FSTL5: variants seen among roughly 807,000 people sequenced by gnomAD.
FSTL5 encodes follistatin-related protein 5.
In FSTL5, 62 loss-of-function variants were observed where a neutral mutation model predicts 89.1. The observed-to-expected ratio is 0.70, with a 90% CI of 0.57 to 0.86. The LOEUF (loss-of-function observed/expected upper bound fraction) is 0.86. Among genes scored for constraint, FSTL5 ranks in the 40% least tolerant of loss-of-function variants. FSTL5 has a pLI of 0.00. For missense variants in FSTL5, 1,057 were observed against 1,001.6 expected, an observed-to-expected ratio of 1.06 and a Z score of -0.75; for synonymous variants, 383 against 346.2, an observed-to-expected ratio of 1.11 and a Z score of -1.18.
intron 7 of FSTL5, among the ~76,000 whole-genome samples, chr4:161,645,171 C>CA (rs909983790): frequency 3.5e-4 from 51 of 144,716 alleles, no homozygotes; most frequent in Middle Eastern, 3.6e-3. Context: ...AAGATAATGC[C>CA]AAAAAAAAAA....
chr4:161,475,927 G>A (rs1177572442), intron 13 of FSTL5, among the ~76,000 whole-genome samples: 1 of 151,670 alleles, frequency 6.6e-6, no homozygotes, highest in African/African-American at 2.4e-5. Context: ...TTTTTATTTT[G>A]TATTTTTAGT....
At chr4:162,142,141 T>A (rs545815459) in intron 1 of FSTL5, among the ~76,000 whole-genome samples, 133 of 151,592 alleles carry the variant, frequency 8.8e-4, no homozygotes, top group Non-Finnish European at 1.5e-3. Context: ...TGGTACCAAA[T>A]TTAGGACCTT....
At chr4:161,856,492 C>G (rs1456316422) in intron 4 of FSTL5, among the ~76,000 whole-genome samples, 2 of 151,940 alleles carry the variant, frequency 1.3e-5, no homozygotes, top group Admixed American at 6.6e-5. Flanking sequence ...ATGCAACCAT[C>G]AAACATTTAT....
At chr4:161,548,418 T>C (rs1484290753) in intron 8 of FSTL5, among the ~76,000 whole-genome samples, 1 of 151,872 alleles carries the variant, frequency 6.6e-6, no homozygotes, top group African/African-American at 2.4e-5. Context: ...ATGGGAGTTA[T>C]CAACACAAAG....
chr4:161,821,163 G>A (rs1560864485), intron 4 of FSTL5, among the ~76,000 whole-genome samples: 1 of 151,862 alleles, frequency 6.6e-6, no homozygotes, highest in Non-Finnish European at 1.5e-5. Context: ...TTAGCCTCCC[G>A]AGTAGCTGGG....
intron 6 of FSTL5, among the ~76,000 whole-genome samples, chr4:161,710,465 T>C (rs1738741706): frequency 6.6e-6 from 1 of 152,178 alleles, no homozygotes; most frequent in African/African-American, 2.4e-5. Flanking sequence ...AGATTTTGCA[T>C]GTTCAAATGT....
At chr4:161,622,369 G>T (rs893788500) in intron 7 of FSTL5, among the ~76,000 whole-genome samples, 6 of 151,970 alleles carry the variant, frequency 3.9e-5, no homozygotes, top group Admixed American at 3.9e-4. Context: ...GGCTACCTCT[G>T]AACATATGTT....
chr4:161,667,138 T>C (rs1415830829), intron 6 of FSTL5, among the ~76,000 whole-genome samples: 1 of 152,114 alleles, frequency 6.6e-6, no homozygotes, highest in Non-Finnish European at 1.5e-5. Context: ...GACTTTGACA[T>C]TCTTTTAGTG....
At chr4:161,753,359 T>G (rs546664751) in intron 6 of FSTL5, among the ~76,000 whole-genome samples, 2 of 152,184 alleles carry the variant, frequency 1.3e-5, no homozygotes, top group African/African-American at 4.8e-5. Context: ...AGCTAGAAAT[T>G]TGGGCATTAT....
At chr4:161,731,156 G>C (rs1274124380) in intron 6 of FSTL5, among the ~76,000 whole-genome samples, 2 of 152,130 alleles carry the variant, frequency 1.3e-5, no homozygotes, top group Admixed American at 1.3e-4. Flanking sequence ...AAATGTATGA[G>C]TTGATGAATC....
At chr4:161,912,616 T>C (rs1033542083) in intron 4 of FSTL5, among the ~76,000 whole-genome samples, 1 of 152,160 alleles carries the variant, frequency 6.6e-6, no homozygotes, top group African/African-American at 2.4e-5. Context: ...TTCTTCCCAG[T>C]CTCGGGTATG....
chr4:162,153,603 G>A (rs12510773), intron 1 of FSTL5, among the ~76,000 whole-genome samples: 5,470 of 107,192 alleles, frequency 0.051, 131 homozygotes, highest in Non-Finnish European at 0.059. Flanking sequence ...ATATGTGTGT[G>A]TATATATATG....
chr4:162,064,705 A>G (rs1269247059), intron 2 of FSTL5, among the ~76,000 whole-genome samples: 1 of 151,972 alleles, frequency 6.6e-6, no homozygotes, highest in East Asian at 1.9e-4. Context: ...CCAATTTCAT[A>G]TATATACAAG....
chr4:161,862,353 C>G (rs1316194084), intron 4 of FSTL5, among the ~76,000 whole-genome samples: 4 of 152,126 alleles, frequency 2.6e-5, no homozygotes, highest in Admixed American at 1.3e-4. Flanking sequence ...GTAATAACAT[C>G]ACTACCAAAA....
intron 15 of FSTL5, among the ~76,000 whole-genome samples, chr4:161,397,799 A>G (rs954634413): frequency 6.6e-6 from 1 of 151,904 alleles, no homozygotes; most frequent in African/African-American, 2.4e-5. Context: ...TCTGACTATA[A>G]AATGAATTAT....
chr4:161,518,070 C>T (rs1213283774), intron 10 of FSTL5, among the ~76,000 whole-genome samples: 1 of 152,112 alleles, frequency 6.6e-6, no homozygotes, highest in Non-Finnish European at 1.5e-5. Flanking sequence ...AGTACATTGC[C>T]GGTCATATGC....
At chr4:161,542,824 T>G in intron 8 of FSTL5, 131 bp from the exon 9 acceptor site, 2 of 482,224 alleles carry the variant, frequency 4.1e-6, no homozygotes, top group Non-Finnish European at 6.7e-6. Flanking sequence ...CTACAGATTG[T>G]AGTTTCCAAA....
chr4:161,798,883 T>C (rs28562470), intron 4 of FSTL5, among the ~76,000 whole-genome samples: 2 of 151,488 alleles, frequency 1.3e-5, no homozygotes, highest in African/African-American at 4.8e-5. Context: ...CTGAGTGAAA[T>C]GGGAAGAAAA....
At chr4:162,007,676 T>C (rs1290242770) in intron 3 of FSTL5, among the ~76,000 whole-genome samples, 6 of 151,744 alleles carry the variant, frequency 4.0e-5, no homozygotes, top group Non-Finnish European at 8.9e-5. Flanking sequence ...ATTAGCAAAT[T>C]TGATGTGACT....
Sources: allele counts gnomAD v4.1 joint callset (sites outside exome capture counted in the v4.1 genomes callset), GRCh38; gene constraint gnomAD v4.1.1; transcripts MANE v1.5; gene names NCBI Gene and HGNC (gene_info 2026-07-23, HGNC 2026-07-21).